WDPCP: variants seen among roughly 807,000 people sequenced by gnomAD.
The protein encoded by WDPCP is WD repeat-containing and planar cell polarity effector protein fritz homolog.
WDPCP carries 71 observed loss-of-function variants against 93.1 expected under a neutral mutation model. That is an observed-to-expected ratio of 0.76 (90% CI 0.63 to 0.93). The LOEUF (loss-of-function observed/expected upper bound fraction) is 0.93, where lower values mean the gene tolerates loss of function less well. Ranked by LOEUF, WDPCP falls within the 40% of genes least tolerant of loss-of-function variation. The probability of loss-of-function intolerance (pLI) is 0.00; values close to 1 mark genes in which losing one functional copy is unlikely to be tolerated. For synonymous variants in WDPCP, 315 were observed against 315.0 expected (o/e 1.00, Z 0.00); for missense variants, 844 against 887.4 (o/e 0.95, Z 0.62).
intron 2 of WDPCP, among the ~76,000 whole-genome samples, chr2:63,721,494 C>T (rs1374158347): frequency 1.3e-5 from 2 of 152,150 alleles, no homozygotes; most frequent in Non-Finnish European, 2.9e-5. Context: ...CCTCTTACCC[C>T]TTCTAATCTC....
At chr2:63,814,126 T>C (rs964512438) in intron 1 of WDPCP, among the ~76,000 whole-genome samples, 7 of 152,306 alleles carry the variant, frequency 4.6e-5, no homozygotes, top group Admixed American at 4.6e-4. Flanking sequence ...ACTTAACATA[T>C]AGTTACCAAA....
At chr2:63,198,395 T>C (rs1675621581) in intron 14 of WDPCP, among the ~76,000 whole-genome samples, 1 of 152,204 alleles carries the variant, frequency 6.6e-6, no homozygotes, top group African/African-American at 2.4e-5. Flanking sequence ...TTTTTTTAAT[T>C]GGCTTTCCAA....
intron 3 of WDPCP, among the ~76,000 whole-genome samples, chr2:63,639,933 C>A (rs1709962491): frequency 6.6e-6 from 1 of 152,186 alleles, no homozygotes; most frequent in Non-Finnish European, 1.5e-5. Flanking sequence ...AAACATGCAA[C>A]CTCCATATCA....
Position 63,404,628 on chromosome 2 carries a change from G to T in WDPCP, c.855C>A (p.Asp285Glu), listed in dbSNP as rs922468636. 1.2e-6 allele frequency: 2 copies of T among 1,614,036 alleles called. No homozygotes were observed. The highest frequency in any genetic ancestry group is 8.5e-7 in the Non-Finnish European group (1 of 1,179,958). The change falls in exon 10 of 18, where the codon GAC becomes GAA. Residue 285 changes from aspartate (D) to glutamate (E), a missense_variant. Transcript: ENST00000272321. ...TGGTGCCAAAGCGAACATCCAGTGGGTCCCATTCTGTGCGGACAGAACTCA... is the reference window on the plus strand; with the variant it reads ...TGGTGCCAAAGCGAACATCCAGTGGTTCCCATTCTGTGCGGACAGAACTCA... ...EVLSSVRTEW[D>E]PLDVRFGTKQ...
At chr2:63,310,021 A>G (rs1686057910) in intron 13 of WDPCP, among the ~76,000 whole-genome samples, 3 of 152,188 alleles carry the variant, frequency 2.0e-5, no homozygotes, top group Admixed American at 2.0e-4. Flanking sequence ...CCTAAATTCC[A>G]GCATTGTTAA....
chr2:63,656,803 A>C (rs1471779881), intron 2 of WDPCP, among the ~76,000 whole-genome samples: 3 of 152,234 alleles, frequency 2.0e-5, no homozygotes. Flanking sequence ...CAAGGTAGTA[A>C]AGTTCAATGA....
At chr2:63,515,887 G>A (rs1284301176) in intron 1 of WDPCP, among the ~76,000 whole-genome samples, 1 of 152,028 alleles carries the variant, frequency 6.6e-6, no homozygotes. Flanking sequence ...GGGCGTGGTG[G>A]TGCACGTCTG....
At chr2:63,313,876 A>ATGTGTGTG (rs1559312010) in intron 12 of WDPCP, among the ~76,000 whole-genome samples, 208 of 4,030 alleles carry the variant, frequency 0.052, 4 homozygotes, top group South Asian at 0.41. Flanking sequence ...ATATATATAT[A>ATGTGTGTG]TATATATATA....
intron 12 of WDPCP, among the ~76,000 whole-genome samples, chr2:63,350,051 T>C (rs1488965426): frequency 6.6e-6 from 1 of 152,108 alleles, no homozygotes; most frequent in Admixed American, 6.5e-5. Flanking sequence ...CAAATGTCCA[T>C]CAATGGTAGC....
At chr2:63,767,242 C>A (rs1387772589) in intron 2 of WDPCP, among the ~76,000 whole-genome samples, 1 of 152,036 alleles carries the variant, frequency 6.6e-6, no homozygotes, top group African/African-American at 2.4e-5. Context: ...CTTATTCATT[C>A]ATTGTACATG....
chr2:63,303,656 G>A (rs543488160), intron 13 of WDPCP, among the ~76,000 whole-genome samples: 1 of 152,312 alleles, frequency 6.6e-6, no homozygotes, highest in South Asian at 2.1e-4. Flanking sequence ...AGACAGTGGG[G>A]CTAAGTAAAG....
intron 14 of WDPCP, among the ~76,000 whole-genome samples, chr2:63,210,808 A>G (rs932619298): frequency 3.9e-5 from 6 of 152,344 alleles, no homozygotes; most frequent in African/African-American, 1.4e-4. Context: ...AGGAGATTAT[A>G]TTCCATGCCT....
chr2:63,266,730 CG>C (rs1682154611), intron 13 of WDPCP, among the ~76,000 whole-genome samples: 1 of 151,982 alleles, frequency 6.6e-6, no homozygotes, highest in African/African-American at 2.4e-5. Context: ...CATTTGAACT[CG>C]GGGGGTGGAG....
intron 2 of WDPCP, among the ~76,000 whole-genome samples, chr2:63,656,457 C>A (rs190321592): frequency 2.0e-5 from 3 of 152,200 alleles, no homozygotes; most frequent in Non-Finnish European, 4.4e-5. Context: ...GGGCTACAGG[C>A]GGGCTGAGAG....
chr2:63,198,121 T>C (rs1675598404), intron 14 of WDPCP, among the ~76,000 whole-genome samples: 2 of 152,214 alleles, frequency 1.3e-5, no homozygotes, highest in Admixed American at 1.3e-4. Flanking sequence ...GAATTTATTA[T>C]GGTGTGAGGA....
intron 6 of WDPCP, among the ~76,000 whole-genome samples, chr2:63,461,477 C>T (rs1699002778): frequency 6.6e-6 from 1 of 152,172 alleles, no homozygotes; most frequent in Admixed American, 6.5e-5. Context: ...ATGCCAGCAA[C>T]ATGCTTCTTG....
intron 10 of WDPCP, among the ~76,000 whole-genome samples, chr2:63,383,357 A>C (rs528884253): frequency 1.3e-5 from 2 of 152,254 alleles, no homozygotes; most frequent in South Asian, 4.1e-4. Flanking sequence ...GCACCTAATA[A>C]CAGAGCTGTG....
intron 1 of WDPCP, among the ~76,000 whole-genome samples, chr2:63,579,237 A>G (rs1708326238): frequency 6.6e-6 from 1 of 152,248 alleles, no homozygotes; most frequent in Admixed American, 6.5e-5. Context: ...TAAGTGTTAA[A>G]TAAAAGATGC....
chr2:63,702,683 G>T (rs976053380), intron 2 of WDPCP, among the ~76,000 whole-genome samples: 2 of 149,900 alleles, frequency 1.3e-5, no homozygotes, highest in African/African-American at 4.9e-5. Flanking sequence ...GACTGCAGGC[G>T]CCCACCACCA....
Sources: allele counts gnomAD v4.1 joint callset (sites outside exome capture counted in the v4.1 genomes callset), GRCh38; gene constraint gnomAD v4.1.1; transcripts MANE v1.5; gene names NCBI Gene and HGNC (gene_info 2026-07-23, HGNC 2026-07-21).